Variants in NLK observed in about 807,000 individuals in gnomAD.
NLK encodes serine/threonine-protein kinase NLK.
NLK carries 11 observed loss-of-function variants against 59.0 expected under a neutral mutation model. The observed-to-expected ratio is 0.19, with a 90% CI of 0.12 to 0.31. The LOEUF is 0.31. NLK is among the 10% of genes least tolerant of loss of function. The pLI, the probability that NLK is intolerant of heterozygous loss-of-function variation, is 1.00. For synonymous variants in NLK, 235 were observed against 235.9 expected, an observed-to-expected ratio of 1.00 and a Z score of 0.03; for missense variants, 410 against 661.1, an observed-to-expected ratio of 0.62 and a Z score of 4.16.
intron 1 of NLK, among the ~76,000 whole-genome samples, chr17:28,069,631 A>AT (rs1319154172): frequency 6.6e-6 from 1 of 152,122 alleles, no homozygotes; most frequent in Non-Finnish European, 1.5e-5. Flanking sequence ...ATGATGGCTA[A>AT]TGATGTTTGC....
intron 3 of NLK, among the ~76,000 whole-genome samples, chr17:28,143,925 C>A (rs1461980715): frequency 6.6e-6 from 1 of 152,236 alleles, no homozygotes; most frequent in Non-Finnish European, 1.5e-5. Context: ...ATTTATACAA[C>A]ACCTTGTCAT....
chr17:28,205,010 A>G, the NLK span, among the ~76,000 whole-genome samples: 1 of 152,196 alleles, frequency 6.6e-6, no homozygotes, highest in South Asian at 2.1e-4. Context: ...GACTCAGGTC[A>G]TTGGTGGAGT....
intron 5 of NLK, among the ~76,000 whole-genome samples, chr17:28,165,174 T>C (rs918123043): frequency 6.6e-6 from 1 of 150,766 alleles, no homozygotes; most frequent in African/African-American, 2.4e-5. Flanking sequence ...GTTTTTTAAT[T>C]AAAAAAAAAA....
chr17:28,080,008 G>A (rs767091373), intron 1 of NLK, among the ~76,000 whole-genome samples: 10 of 152,044 alleles, frequency 6.6e-5, no homozygotes, highest in South Asian at 2.1e-4. Context: ...ATAAGCTAAG[G>A]ATCCAACTTC....
intron 3 of NLK, among the ~76,000 whole-genome samples, chr17:28,158,395 CAGTG>C (rs1270552746): frequency 6.6e-6 from 1 of 152,168 alleles, no homozygotes; most frequent in Admixed American, 6.5e-5. Context: ...CTGGGTGTGT[CAGTG>C]AGTGGTGAGT....
intron 1 of NLK, among the ~76,000 whole-genome samples, chr17:28,117,457 A>G (rs915829368): frequency 3.9e-5 from 6 of 152,144 alleles, no homozygotes; most frequent in Non-Finnish European, 8.8e-5. Context: ...CAGGTGTCTC[A>G]CTACAGATTA....
chr17:28,179,721 G>A (rs1908822327), intron 7 of NLK, among the ~76,000 whole-genome samples: 1 of 151,992 alleles, frequency 6.6e-6, no homozygotes, highest in Non-Finnish European at 1.5e-5. Context: ...GTGACAGAGT[G>A]AGACTCAAAC....
chr17:28,181,313 C>T (rs1297093488), intron 7 of NLK, among the ~76,000 whole-genome samples: 1 of 151,990 alleles, frequency 6.6e-6, no homozygotes, highest in African/African-American at 2.4e-5. Flanking sequence ...GCAGGAGAAT[C>T]GCTTCAACCT....
chr17:28,057,041 G>A (rs570859195), intron 1 of NLK, among the ~76,000 whole-genome samples: 3 of 136,768 alleles, frequency 2.2e-5, no homozygotes, highest in African/African-American at 5.5e-5. Context: ...TGCAACCTCC[G>A]CCTCCCGGGT....
intron 1 of NLK, among the ~76,000 whole-genome samples, chr17:28,095,001 GCT>G (rs1411664908): frequency 4.6e-5 from 7 of 152,162 alleles, no homozygotes; most frequent in Non-Finnish European, 1.0e-4. Context: ...ACCTGACCTA[GCT>G]CCAGTTTTCA....
At chr17:28,160,270 A>C (rs73271119) in intron 3 of NLK, among the ~76,000 whole-genome samples, 2 of 152,186 alleles carry the variant, frequency 1.3e-5, no homozygotes, top group African/African-American at 2.4e-5. Context: ...AAAACAATTG[A>C]AAAACAATTT....
At chr17:28,123,825 C>T (rs548379756) in intron 2 of NLK, among the ~76,000 whole-genome samples, 9 of 152,134 alleles carry the variant, frequency 5.9e-5, no homozygotes, top group Non-Finnish European at 1.0e-4. Flanking sequence ...ACCTGGAGGT[C>T]GCCAGCATTA....
intron 7 of NLK, among the ~76,000 whole-genome samples, chr17:28,176,924 C>G (rs946044745): frequency 3.9e-5 from 6 of 152,130 alleles, no homozygotes; most frequent in African/African-American, 7.2e-5. Flanking sequence ...ACTCCACCCC[C>G]CTAACCCCCT....
chr17:28,104,309 C>A (rs1905000765), intron 1 of NLK, among the ~76,000 whole-genome samples: 1 of 152,162 alleles, frequency 6.6e-6, no homozygotes, highest in African/African-American at 2.4e-5. Flanking sequence ...GGCTAGAGTG[C>A]AGTGGTGCAA....
intron 4 of NLK, among the ~76,000 whole-genome samples, chr17:28,162,024 A>AT (rs35230222): frequency 0.012 from 1,886 of 151,336 alleles, 41 homozygotes; most frequent in African/African-American, 0.043. Context: ...CACATAAGCA[A>AT]TTTTTTTTTC....
intron 1 of NLK, among the ~76,000 whole-genome samples, chr17:28,072,061 C>A (rs1910023038): frequency 6.6e-6 from 1 of 152,174 alleles, no homozygotes; most frequent in Non-Finnish European, 1.5e-5. Context: ...CTTATCTAAC[C>A]TTTTCTCCTT....
At position 28,192,200 on chromosome 17, in the gene NLK, A is replaced by G; in HGVS notation, c.1516A>G (p.Lys506Glu). Residue 506 changes from lysine to glutamate, a missense_variant, in exon 10 of 11, where the codon AAG becomes GAG. Around this residue, in one of 5 missense-constraint regions of NLK, gnomAD observed 25 missense variants for 29.7 expected, o/e 0.84. Transcript: ENST00000407008. Reference sequence around the variant, plus strand: ...CATCAACCCTCAGTCTGCTGCTTTTAAGAGCTTTATTAGGTAACTATATGT... The same window carrying G: ...CATCAACCCTCAGTCTGCTGCTTTTGAGAGCTTTATTAGGTAACTATATGT... ...LCINPQSAAF[K>E]SFISSTVAQP... 6.3e-7 allele frequency: 1 copy of G among 1,589,128 alleles called. No homozygotes were observed. The highest frequency in any genetic ancestry group is 8.6e-7 in the Non-Finnish European group (1 of 1,159,382).
the NLK span, among the ~76,000 whole-genome samples, chr17:28,201,786 C>T: frequency 4.1e-4 from 62 of 152,174 alleles, 1 homozygote; most frequent in Admixed American, 9.2e-4. Flanking sequence ...GAGGCCGAGG[C>T]GGGCAGATCA....
intron 10 of NLK, among the ~76,000 whole-genome samples, chr17:28,192,871 GTA>G (rs1257363605): frequency 6.6e-6 from 1 of 152,148 alleles, no homozygotes; most frequent in Non-Finnish European, 1.5e-5. Flanking sequence ...TCACTCCCTA[GTA>G]ATAACTGCAA....
Sources: gnomAD v4.1 joint callset for allele counts (sites outside exome capture counted in the v4.1 genomes callset) on GRCh38, gnomAD v4.1.1 for gene constraint, gnomAD v4.1.1 regional missense constraint, MANE v1.5 for transcripts, NCBI Gene and HGNC (gene_info 2026-07-23, HGNC 2026-07-21) for gene names.